The following EHF variants were observed in gnomAD, a reference collection of about 807,000 sequenced individuals.
EHF encodes the protein ESE3 transcription factor.
A neutral mutation model predicts 45.1 loss-of-function variants in EHF; 14 were observed. The observed-to-expected ratio is 0.31, with a 90% CI of 0.21 to 0.49. EHF has a LOEUF of 0.49. EHF is among the 20% of genes least tolerant of loss of function. The pLI is 0.99. For missense variants in EHF, 282 were observed against 371.4 expected, an observed-to-expected ratio of 0.76 and a Z score of 1.98; for synonymous variants, 136 against 131.8, an observed-to-expected ratio of 1.03 and a Z score of -0.22.
intron 2 of EHF, among the ~76,000 whole-genome samples, 174 bp from the exon 3 acceptor site, chr11:34,646,265 T>C (rs1241478777): frequency 6.6e-6 from 1 of 152,050 alleles, no homozygotes; most frequent in Non-Finnish European, 1.5e-5. Flanking sequence ...CAGGGGTAGG[T>C]AGCAGGCTAG....
intron 1 of EHF, among the ~76,000 whole-genome samples, chr11:34,621,777 G>T (rs1852002360): frequency 6.6e-6 from 1 of 152,222 alleles, no homozygotes; most frequent in African/African-American, 2.4e-5. Flanking sequence ...GGAAAAAGTG[G>T]CCAGGCAGCC....
At chr11:34,640,929 A>G (rs561675912) in intron 1 of EHF, among the ~76,000 whole-genome samples, 1 of 152,258 alleles carries the variant, frequency 6.6e-6, no homozygotes, top group South Asian at 2.1e-4. Flanking sequence ...TTTAATCTCC[A>G]ATCAATGTAC....
rs953260975 is a variant in EHF, at chr11:34,659,967, C to G, written c.*1036C>G. On this transcript the variant is annotated 3_prime_UTR_variant, in exon 9 of 9. Transcript: ENST00000257831. ...TGTCTCTAGACATCACCAAATGTTC[C>G]CTGGGGGTGGCAAATTTGCCCTTGA... is the stretch of plus-strand genomic sequence containing the variant. The G allele has an allele frequency of 6.6e-6, 1 of 152,082 alleles. No individual in the cohort carries two copies. Among genetic ancestry groups the G allele is most frequent in the Non-Finnish European group, 1.5e-5 (1 of 68,008 alleles). 9.4% of individuals were successfully genotyped at this position (152,082 alleles called of 1,614,324 possible).
In EHF at chr11:34,624,120, C is replaced by A. The variant is rs554678057; in HGVS notation, c.-4+2892C>A. 9.7e-5 allele frequency: 19 copies of A among 196,070 alleles called. No homozygotes were observed. In the South Asian group the frequency reaches 2.8e-3, roughly 29 times the overall value. The allele number at this position is 196,070 out of a possible 1,614,324, so 12.1% of individuals were successfully genotyped here. On this transcript the variant is annotated intron_variant, in intron 1 of 8. Transcript: ENST00000257831. ...AGCTTGAACCTGATTTTCAGGGATACCATTTTGCTGCCGTTTCAGCCCATT... is the reference window on the plus strand; with the variant it reads ...AGCTTGAACCTGATTTTCAGGGATAACATTTTGCTGCCGTTTCAGCCCATT...
chr11:34,628,872 C>G (rs1448558930), intron 1 of EHF, among the ~76,000 whole-genome samples: 1 of 152,138 alleles, frequency 6.6e-6, no homozygotes, highest in Non-Finnish European at 1.5e-5. Context: ...CCACGGGGCC[C>G]CATGCTTAGA....
chr11:34,628,734 G>T (rs12286924), intron 1 of EHF, among the ~76,000 whole-genome samples: 1 of 152,072 alleles, frequency 6.6e-6, no homozygotes, highest in Non-Finnish European at 1.5e-5. Context: ...AGGAGGTAGT[G>T]CATGGAACAA....
intron 3 of EHF, among the ~76,000 whole-genome samples, chr11:34,647,415 G>A (rs1410415863): frequency 6.6e-5 from 10 of 152,154 alleles, no homozygotes; most frequent in African/African-American, 1.2e-4. Context: ...ATTCATACAC[G>A]AACATATCCT....
In EHF at chr11:34,642,771, G is replaced by C. The variant is rs12721520; in HGVS notation, c.97+44G>C. ...GTTGGTGTCACTGCTGTGCTGTGTGGGCTCTTTGCTTTAATTCCTCTCACA... is the reference window on the plus strand; with the variant it reads ...GTTGGTGTCACTGCTGTGCTGTGTGCGCTCTTTGCTTTAATTCCTCTCACA... On this transcript the variant is annotated intron_variant, in intron 2 of 8. Transcript: ENST00000257831. 8.1e-3 allele frequency: 11,357 copies of C among 1,402,818 alleles called. 67 individuals carry two copies. The highest frequency in any genetic ancestry group is 0.014 in the Middle Eastern group (82 of 5,678). 86.9% of individuals were successfully genotyped at this position (1,402,818 alleles called of 1,614,324 possible). A position where few individuals can be genotyped will look rare whatever the true frequency, so the allele number is the denominator to read the frequency against.
Position 34,646,650 on chromosome 11 carries a change from C to T in EHF, c.309C>T (p.Leu103=), listed in dbSNP as rs1854574539. Reference sequence around the variant, plus strand: ...GGGCGGCAGGGACGGCGGGGCAGCTCCTCTACAGCAACTTGCAGCATCTGA... The same window carrying T: ...GGGCGGCAGGGACGGCGGGGCAGCTTCTCTACAGCAACTTGCAGCATCTGA... ...FTRAAGTAGQ[L]LYSNLQHLKW... is the part of the protein sequence containing the mutation. The change falls in exon 3 of 9, where the codon CTC becomes CTT. Residue 103 remains leucine, a synonymous_variant. Transcript: ENST00000257831. 1 of 1,612,920 alleles carries T rather than the reference C, an allele frequency of 6.2e-7. No individual in the cohort carries two copies.
At chr11:34,634,568 G>C (rs971306218) in intron 1 of EHF, among the ~76,000 whole-genome samples, 5 of 152,180 alleles carry the variant, frequency 3.3e-5, no homozygotes, top group African/African-American at 1.2e-4. Context: ...GGCCCTGGTG[G>C]TTCCCAGTGT....
At chr11:34,652,004 C>T (rs1224213141) in intron 6 of EHF, among the ~76,000 whole-genome samples, 199 bp downstream of exon 6, 1 of 152,152 alleles carries the variant, frequency 6.6e-6, no homozygotes, top group Non-Finnish European at 1.5e-5. Flanking sequence ...ATCCTCTAGG[C>T]AAAATGTTGG....
intron 6 of EHF, among the ~76,000 whole-genome samples, chr11:34,656,281 A>G (rs991878088): frequency 6.6e-6 from 1 of 152,118 alleles, no homozygotes; most frequent in Non-Finnish European, 1.5e-5. Flanking sequence ...GGGCCACTCA[A>G]TGGCGCCTTT....
intron 3 of EHF, among the ~76,000 whole-genome samples, chr11:34,647,592 C>A (rs1015787553): frequency 1.3e-5 from 2 of 152,212 alleles, no homozygotes; most frequent in Non-Finnish European, 2.9e-5. Flanking sequence ...CCTGTCTGCA[C>A]TGGAAAAGGC....
chr11:34,621,895 G>A (rs286922), intron 1 of EHF, among the ~76,000 whole-genome samples: 142,323 of 152,292 alleles, frequency 0.93, 66,603 homozygotes, highest in Non-Finnish European at 0.95. Flanking sequence ...AAGGGGACAA[G>A]CTAACCCTTT....
At chr11:34,658,760 G>A (rs1233151039) in intron 8 of EHF, 32 bp downstream of exon 8, 1 of 1,609,386 alleles carries the variant, frequency 6.2e-7, no homozygotes, top group Non-Finnish European at 8.5e-7. Context: ...AAAACAAAAA[G>A]GCTGTACGAC....
intron 1 of EHF, among the ~76,000 whole-genome samples, chr11:34,627,045 A>G (rs12416768): frequency 7.8e-4 from 118 of 152,158 alleles, no homozygotes; most frequent in Non-Finnish European, 1.3e-3. Context: ...GAAGTCTTCA[A>G]TTTGGGTGTT....
intron 1 of EHF, among the ~76,000 whole-genome samples, chr11:34,636,219 G>T (rs1853386436): frequency 6.6e-6 from 1 of 152,178 alleles, no homozygotes; most frequent in African/African-American, 2.4e-5. Context: ...CATTTTACAG[G>T]TATCATTTCA....
chr11:34,643,470 C>T (rs1185609970), intron 2 of EHF, among the ~76,000 whole-genome samples: 1 of 152,348 alleles, frequency 6.6e-6, no homozygotes, highest in Admixed American at 6.5e-5. Context: ...TCTCAATCCA[C>T]ACCCACTGCT....
intron 6 of EHF, among the ~76,000 whole-genome samples, 174 bp from the exon 7 acceptor site, chr11:34,656,734 A>G (rs182715255): frequency 1.8e-3 from 272 of 152,176 alleles, no homozygotes; most frequent in Admixed American, 3.7e-3. Flanking sequence ...AACCTGCATC[A>G]TTTTTCTCCA....
Sources: gnomAD v4.1 joint callset for allele counts (sites outside exome capture counted in the v4.1 genomes callset) on GRCh38, gnomAD v4.1.1 for gene constraint, MANE v1.5 for transcripts, NCBI Gene and HGNC (gene_info 2026-07-23, HGNC 2026-07-21) for gene names.